DYNC1H1: variants seen among roughly 807,000 people sequenced by gnomAD.
DYNC1H1 encodes the protein dynein cytoplasmic 1 heavy chain 1.
Under a neutral mutation model 527.1 loss-of-function variants are expected in DYNC1H1, and 51 were observed. The observed-to-expected ratio is 0.10, with a 90% confidence interval of 0.08 to 0.12. The LOEUF (loss-of-function observed/expected upper bound fraction) is 0.12, where lower values mean the gene tolerates loss of function less well. DYNC1H1 is among the 10% of genes least tolerant of loss of function. The probability of loss-of-function intolerance (pLI) is 1.00; values close to 1 mark genes in which losing one functional copy is unlikely to be tolerated. For synonymous variants in DYNC1H1, 2,189 were observed against 2,278.8 expected (o/e 0.96, Z 1.12); for missense variants, 2,771 against 5,971.8 (o/e 0.46, Z 17.66).
Position 102,029,867 on chromosome 14 carries a change from G to A in DYNC1H1, c.9691G>A (p.Val3231Met), listed in dbSNP as rs1567017900. 3 of 1,614,184 alleles carry A rather than the reference G, an allele frequency of 1.9e-6. No individual in the cohort carries two copies. Among genetic ancestry groups the A allele is most frequent in the Non-Finnish European group, 2.5e-6 (3 of 1,180,048 alleles). ...GAGGATAAAGAGCCAAGAGCTGGAG[G>A]TGAAGAATGCAGCAGCCAATGACAA... ...DLRIKSQELE[V>M]KNAAANDKLK... is the part of the protein sequence containing the mutation. The change falls in exon 50 of 78, where the codon GTG (valine) becomes ATG (methionine). Residue 3231 changes from valine (V) to methionine (M), a missense_variant. Transcript: ENST00000360184. The surrounding 1 kb of genome is among the most constrained non-coding windows in gnomAD (Gnocchi z 5.3).
In DYNC1H1 at chr14:101,995,164, C is replaced by G. The variant is rs779129648; in HGVS notation, c.3445-17C>G. ...AACCCCAGCTCTGTGATGAAATACTCCCCTCTCTCTGAACAGTCCCGCCAA... is the reference window on the plus strand; with the variant it reads ...AACCCCAGCTCTGTGATGAAATACTGCCCTCTCTCTGAACAGTCCCGCCAA... On this transcript the variant is annotated splice_polypyrimidine_tract_variant and intron_variant, in intron 14 of 77. Coordinates refer to ENST00000360184, the MANE Select transcript of DYNC1H1 (RefSeq NM_001376.5). The G allele has an allele frequency of 1.2e-6, 2 of 1,614,252 alleles. No individual in the cohort carries two copies. Among genetic ancestry groups the G allele is most frequent in the South Asian group, 2.2e-5 (2 of 91,084 alleles).
chr14:101,987,673 C>G, intron 9 of DYNC1H1, 41 bp downstream of exon 9: 1 of 1,606,788 alleles, frequency 6.2e-7, no homozygotes, highest in Non-Finnish European at 8.5e-7. Context: ...CCTTTTTCTT[C>G]TGCTGACCCT....
intron 1 of DYNC1H1, among the ~76,000 whole-genome samples, chr14:101,967,893 G>A (rs564894366): frequency 6.6e-6 from 1 of 152,132 alleles, no homozygotes; most frequent in Non-Finnish European, 1.5e-5. Flanking sequence ...AACTCATCTT[G>A]ATACTGAGGA....
chr14:101,983,880 T>C lies in DYNC1H1; in HGVS notation c.1461+271T>C, dbSNP rs1374558486. Among the ~76,000 whole-genome samples the C allele has an allele frequency of 5.9e-5, 9 of 152,148 alleles. No homozygotes were observed. The highest frequency in any genetic ancestry group is 2.0e-4 in the Admixed American group (3 of 15,270). The stretch of plus-strand genomic sequence containing the variant: ...TTTGAGTAGAGACAGGCTTTTACCA[T>C]GTTGGCCAGGCTGGTTTTGAACTGG... On this transcript the variant is annotated intron_variant, in intron 7 of 77. Coordinates refer to ENST00000360184, the MANE Select transcript of DYNC1H1 (RefSeq NM_001376.5). This position sits in a 1 kb window ranked among gnomAD's most constrained non-coding sequence, Gnocchi z 5.3.
Position 102,044,634 on chromosome 14 carries a change from C to A in DYNC1H1, c.12942C>A (p.Asp4314Glu), listed in dbSNP as rs1353447923. 1 of 1,614,062 alleles carries A rather than the reference C, an allele frequency of 6.2e-7. No homozygotes were observed. The highest frequency in any genetic ancestry group is 8.5e-7 in the Non-Finnish European group (1 of 1,180,048). ...TGCAGTGGGTGGAGTTGCTCCCCGA[C>A]ACCCAGACGCCCTCCTGGCTGGGCC... ...EFVQWVELLP[D>E]TQTPSWLGLP... The change falls in exon 72 of 78, where the codon GAC (aspartate) becomes GAA (glutamate). Residue 4314 changes from aspartate to glutamate, a missense_variant. By Grantham distance (45) the Asp-to-Glu change is conservative. Around this residue, in one of 32 missense-constraint regions of DYNC1H1, gnomAD observed 195 missense variants for 428.6 expected, o/e 0.45. Coordinates refer to ENST00000360184, the MANE Select transcript of DYNC1H1 (RefSeq NM_001376.5). The surrounding 1 kb of genome is among the most constrained non-coding windows in gnomAD (Gnocchi z 7.1).
At chr14:102,026,826 C>T in intron 44 of DYNC1H1, 119 bp downstream of exon 44, 1 of 1,420,126 alleles carries the variant, frequency 7.0e-7, no homozygotes, top group East Asian at 2.5e-5. Flanking sequence ...CCTTCTCCAC[C>T]AAGCAGCTTC....
At chr14:102,024,687 TAACTC>T (rs1450477394) in intron 43 of DYNC1H1, among the ~76,000 whole-genome samples, 1 of 124,498 alleles carries the variant, frequency 8.0e-6, no homozygotes, top group African/African-American at 3.4e-5. Context: ...CTTTTTTTTT[TAACTC>T]TTTTTTTTTT....
At position 102,044,758 on chromosome 14, in the gene DYNC1H1, G is replaced by A; in HGVS notation, c.13006+60G>A. ...GGTGGCGAGGGTCCCCTCACGCGGG[G>A]TGGGTGGCGAGGGTCCCCACACGCA... On this transcript the variant is annotated intron_variant, in intron 72 of 77. Transcript: ENST00000360184. This position sits in a 1 kb window ranked among gnomAD's most constrained non-coding sequence, Gnocchi z 7.1. 6.3e-7 allele frequency: 1 copy of A among 1,587,230 alleles called. No individual in the cohort carries two copies.
chr14:101,970,273 T>C (rs2047716755), intron 1 of DYNC1H1, among the ~76,000 whole-genome samples: 1 of 151,948 alleles, frequency 6.6e-6, no homozygotes, highest in Non-Finnish European at 1.5e-5. Context: ...TTCTGAGCCT[T>C]GTACCAGAGC....
At chr14:101,999,883 C>A in intron 16 of DYNC1H1, 106 bp from the exon 17 acceptor site, 1 of 1,526,786 alleles carries the variant, frequency 6.5e-7, no homozygotes, top group East Asian at 2.3e-5. Flanking sequence ...GCAAAGAATC[C>A]GAAACGTCCA....
rs2048668973 is a variant in DYNC1H1 at position 102,042,886 on chromosome 14, A to T, written c.12513+138A>T. 1.9e-6 allele frequency: 2 copies of T among 1,042,994 alleles called. No homozygotes were observed. Among genetic ancestry groups the T allele is most frequent in the African/African-American group, 3.2e-5 (2 of 63,232 alleles). The allele number at this position is 1,042,994 out of a possible 1,614,324, so 64.6% of individuals were successfully genotyped here. On this transcript the variant is annotated intron_variant, in intron 69 of 77. Coordinates refer to ENST00000360184, the MANE Select transcript of DYNC1H1 (RefSeq NM_001376.5). The surrounding 1 kb of genome is among the most constrained non-coding windows in gnomAD (Gnocchi z 5.7). ...ACAGCTGCTTTTGCTTTTCAGCTGT[A>T]GGTAAAATTTCCTTCCATGGCCGGG...
At position 102,027,720 on chromosome 14, in the gene DYNC1H1, C is replaced by G. The variant is rs2048466115; in HGVS notation, c.9150C>G (p.Leu3050=). Residue 3050 remains leucine (L), a synonymous_variant, in exon 47 of 78, where the codon CTC becomes CTG. Transcript: ENST00000360184. This position sits in a 1 kb window ranked among gnomAD's most constrained non-coding sequence, Gnocchi z 7.7. ...EGLMLDSHEE[L]YKWFTSQVIR... ...TGATGCTGGACTCGCACGAGGAGCT[C>G]TACAAGTGGTTCACTAGCCAGGTTA... The G allele has an allele frequency of 6.2e-7, 1 of 1,614,154 alleles. No individual in the cohort carries two copies.
chr14:101,982,007 G>A (rs990407185), intron 5 of DYNC1H1, among the ~76,000 whole-genome samples: 4 of 152,156 alleles, frequency 2.6e-5, no homozygotes, highest in South Asian at 2.1e-4. Context: ...ACTGGTCCGC[G>A]GCCTGTTGGG....
rs887751682 is a variant in DYNC1H1 at position 102,038,974 on chromosome 14, A to G, written c.11207-27A>G. 3.1e-6 allele frequency: 5 copies of G among 1,613,866 alleles called. No homozygotes were observed. Among genetic ancestry groups the G allele is most frequent in the African/African-American group, 1.3e-5 (1 of 74,912 alleles). Reference sequence around the variant, plus strand: ...AGCATACCTTTTGAAGGATTATTGCAAACTCTGGATGTTTTATTCATTTAA... The same window carrying G: ...AGCATACCTTTTGAAGGATTATTGCGAACTCTGGATGTTTTATTCATTTAA... On this transcript the variant is annotated intron_variant, in intron 59 of 77. Transcript: ENST00000360184. This position sits in a 1 kb window ranked among gnomAD's most constrained non-coding sequence, Gnocchi z 7.2.
intron 1 of DYNC1H1, among the ~76,000 whole-genome samples, chr14:101,969,849 T>C (rs2047710994): frequency 6.6e-6 from 1 of 152,180 alleles, no homozygotes; most frequent in Non-Finnish European, 1.5e-5. Context: ...GGATGAAAAT[T>C]GCGTGTCAGC....
At chr14:102,031,039 C>A (rs779544154) in intron 51 of DYNC1H1, among the ~76,000 whole-genome samples, 1 of 152,178 alleles carries the variant, frequency 6.6e-6, no homozygotes, top group Non-Finnish European at 1.5e-5. Context: ...TTTCAAATAA[C>A]CCAATTATCT....
At position 102,033,574 on chromosome 14, in the gene DYNC1H1, C is replaced by T; in HGVS notation, c.10413+90C>T. ...CATGCGCTGCATGCACCATGCTGGC[C>T]TCGGTGAATTCGCTCTTTAACATCT... On this transcript the variant is annotated intron_variant, in intron 54 of 77. Transcript: ENST00000360184. The surrounding 1 kb of genome is among the most constrained non-coding windows in gnomAD (Gnocchi z 5.6). 1 of 1,529,930 alleles carries T rather than the reference C, an allele frequency of 6.5e-7. No individual in the cohort carries two copies. The highest frequency in any genetic ancestry group is 1.4e-5 in the African/African-American group (1 of 73,008). 94.8% of individuals were successfully genotyped at this position (1,529,930 alleles called of 1,614,324 possible). A position where few individuals can be genotyped will look rare whatever the true frequency, so the allele number is the denominator to read the frequency against.
rs1021551886 is a variant in DYNC1H1, at chr14:102,017,792, T to G, written c.8177+288T>G. 6 of 425,896 alleles carry G rather than the reference T, an allele frequency of 1.4e-5. No homozygotes were observed. The highest frequency in any genetic ancestry group is 1.4e-4 in the African/African-American group (6 of 43,694). The allele number at this position is 425,896 out of a possible 1,614,324, so 26.4% of individuals were successfully genotyped here. ...CCATCCTGGCCAACACAGTGAAACC[T>G]CGTCTCTACTGAAAATACAAAAACA... On this transcript the variant is annotated intron_variant, in intron 40 of 77. Coordinates refer to ENST00000360184, the MANE Select transcript of DYNC1H1 (RefSeq NM_001376.5). This position sits in a 1 kb window ranked among gnomAD's most constrained non-coding sequence, Gnocchi z 4.6.
At chr14:102,019,225 C>T (rs1368489942) in intron 41 of DYNC1H1, among the ~76,000 whole-genome samples, 1 of 152,240 alleles carries the variant, frequency 6.6e-6, no homozygotes, top group Non-Finnish European at 1.5e-5. Context: ...CCAGCAGCAC[C>T]CGCTTCCCTG....
Sources: allele counts gnomAD v4.1 joint callset (sites outside exome capture counted in the v4.1 genomes callset), GRCh38; gene constraint gnomAD v4.1.1; regional missense constraint gnomAD v4.1.1; non-coding constraint Gnocchi (gnomAD v3.1); transcripts MANE v1.5; gene names NCBI Gene and HGNC (gene_info 2026-07-23, HGNC 2026-07-21).